Variants in RELN observed in about 807,000 individuals in gnomAD.
RELN encodes reelin.
Under a neutral mutation model 427.6 loss-of-function variants are expected in RELN, and 108 were observed. The ratio of observed to expected loss-of-function variants is 0.25; its 90% confidence interval spans 0.22 to 0.30. The LOEUF (loss-of-function observed/expected upper bound fraction) is 0.30, where lower values mean the gene tolerates loss of function less well. Among genes scored for constraint, RELN ranks in the 10% least tolerant of loss-of-function variants. The pLI is 1.00. For synonymous variants in RELN, 1,524 were observed against 1,513.4 expected, an observed-to-expected ratio of 1.01 and a Z score of -0.16; for missense variants, 3,715 against 4,302.8, an observed-to-expected ratio of 0.86 and a Z score of 3.82.
intron 1 of RELN, among the ~76,000 whole-genome samples, chr7:103,936,468 G>A (rs1795987350): frequency 6.6e-6 from 1 of 151,980 alleles, no homozygotes; most frequent in Admixed American, 6.6e-5. Flanking sequence ...TTTTCAAAAG[G>A]TAAATTTGAT....
intron 2 of RELN, among the ~76,000 whole-genome samples, chr7:103,891,558 C>A (rs965906673): frequency 6.6e-6 from 1 of 152,092 alleles, no homozygotes; most frequent in African/African-American, 2.4e-5. Context: ...TGGCGAATTT[C>A]TGCTAGTTCC....
intron 1 of RELN, among the ~76,000 whole-genome samples, chr7:103,959,864 T>C (rs760893108): frequency 6.6e-6 from 1 of 152,044 alleles, no homozygotes; most frequent in Admixed American, 6.6e-5. Flanking sequence ...CCTCCCAAAG[T>C]GTTGAGAATA....
chr7:103,773,320 C>CT (rs59961333), intron 4 of RELN, among the ~76,000 whole-genome samples: 1 of 52,216 alleles, frequency 1.9e-5, no homozygotes, highest in African/African-American at 9.9e-5. Flanking sequence ...TCGCTCCCTC[C>CT]GTCTCTCTCT....
At chr7:103,557,395 G>A (rs1163935197) in intron 37 of RELN, among the ~76,000 whole-genome samples, 2 of 152,128 alleles carry the variant, frequency 1.3e-5, no homozygotes, top group Non-Finnish European at 2.9e-5. Context: ...TTCTCTCTCA[G>A]ATATGCACAG....
At chr7:103,903,109 A>C (rs1204931637) in intron 2 of RELN, among the ~76,000 whole-genome samples, 3 of 152,062 alleles carry the variant, frequency 2.0e-5, no homozygotes, top group African/African-American at 7.2e-5. Flanking sequence ...ACCACACTAC[A>C]AATAAAATGA....
chr7:103,523,254 G>A, intron 47 of RELN, 137 bp downstream of exon 47: 1 of 948,344 alleles, frequency 1.1e-6, no homozygotes, highest in Non-Finnish European at 1.7e-6. Flanking sequence ...TTCACAGTTA[G>A]CTCAAGATCA....
intron 11 of RELN, among the ~76,000 whole-genome samples, chr7:103,672,400 A>G (rs1402072392): frequency 6.6e-6 from 1 of 152,216 alleles, no homozygotes; most frequent in Non-Finnish European, 1.5e-5. Flanking sequence ...CAGGACTTCT[A>G]TGAAGGAGCT....
At chr7:103,666,487 C>T (rs1833270770) in intron 11 of RELN, among the ~76,000 whole-genome samples, 1 of 152,126 alleles carries the variant, frequency 6.6e-6, no homozygotes, top group African/African-American at 2.4e-5. Context: ...TCATATCTCT[C>T]TTATCTCAAT....
chr7:103,902,731 T>TG (rs745505680), intron 2 of RELN, among the ~76,000 whole-genome samples: 33 of 152,194 alleles, frequency 2.2e-4, no homozygotes, highest in Non-Finnish European at 1.9e-4. Context: ...AACTCAGCAT[T>TG]GGAGGGTTGA....
chr7:103,481,485 G>A (rs1828235523), intron 63 of RELN, among the ~76,000 whole-genome samples: 1 of 152,118 alleles, frequency 6.6e-6, no homozygotes, highest in African/African-American at 2.4e-5. Context: ...TTATCTACCA[G>A]TTTATGAGAA....
intron 6 of RELN, among the ~76,000 whole-genome samples, chr7:103,745,894 T>C (rs1455094621): frequency 6.6e-6 from 1 of 152,216 alleles, no homozygotes; most frequent in Admixed American, 6.5e-5. Context: ...AATGACTTTC[T>C]TCACAGAACT....
chr7:103,968,056 ATATATATTTCTCAAAG>A lies in RELN; in HGVS notation c.226+21059_226+21074del, dbSNP rs1563116521. Among the ~76,000 whole-genome samples, 1 of 149,320 alleles carries A rather than the reference ATATATATTTCTCAAAG, an allele frequency of 6.7e-6. No individual in the cohort carries two copies. The highest frequency in any genetic ancestry group is 2.4e-5 in the African/African-American group (1 of 41,014). On this transcript the variant is annotated intron_variant, in intron 1 of 64. Transcript: ENST00000428762. This position sits in a 1 kb window ranked among gnomAD's most constrained non-coding sequence, Gnocchi z 4.3. Reference sequence around the variant, plus strand: ...TGTATATATATTTATATATATGAATATATATATTTCTCAAAGTATATATTTCTCAAACTTGATGGCA... The same window carrying A: ...TGTATATATATTTATATATATGAATATATATATTTCTCAAACTTGATGGCA...
intron 1 of RELN, among the ~76,000 whole-genome samples, chr7:103,924,997 C>T (rs1227388789): frequency 1.0e-4 from 3 of 29,686 alleles, no homozygotes; most frequent in African/African-American, 2.0e-4. Context: ...CACATACACA[C>T]ACACACACAC....
chr7:103,860,574 T>C (rs1164999359), intron 2 of RELN, among the ~76,000 whole-genome samples: 1 of 152,080 alleles, frequency 6.6e-6, no homozygotes. Context: ...TGCAACTCTG[T>C]GAAATAGCAG....
chr7:103,704,087 T>G (rs965867633), intron 8 of RELN, among the ~76,000 whole-genome samples: 1 of 152,202 alleles, frequency 6.6e-6, no homozygotes, highest in Admixed American at 6.5e-5. Flanking sequence ...GAAGAAATGA[T>G]GTTTTTTGTG....
intron 2 of RELN, among the ~76,000 whole-genome samples, chr7:103,898,421 A>G (rs1416932312): frequency 6.6e-6 from 1 of 152,048 alleles, no homozygotes; most frequent in Non-Finnish European, 1.5e-5. Context: ...AATGATATAC[A>G]AACTGTTTGT....
rs565068179 is a variant in RELN at position 103,738,259 on chromosome 7, T to C, written c.657-10052A>G. On this transcript the variant is annotated intron_variant, in intron 6 of 64. Transcript: ENST00000428762. ...TAACTTAAGTAAAACAAAGATCCTC[T>C]CTGACTTTGTAATTGCTTAAAGGGT... 9.0e-4 allele frequency among the ~76,000 whole-genome samples: 137 copies of C among 151,998 alleles called. 2 individuals carry two copies. The South Asian group carries it at 0.027, about 30-fold the overall frequency.
intron 8 of RELN, among the ~76,000 whole-genome samples, chr7:103,721,898 G>T (rs1288035874): frequency 2.0e-5 from 3 of 152,086 alleles, no homozygotes; most frequent in African/African-American, 7.2e-5. Flanking sequence ...AAAAAAATTT[G>T]TTTTTGTAGC....
intron 6 of RELN, among the ~76,000 whole-genome samples, chr7:103,746,107 A>C (rs1009283381): frequency 3.3e-5 from 5 of 152,148 alleles, no homozygotes; most frequent in African/African-American, 1.2e-4. Context: ...CTCAGAAATA[A>C]TGCTGCATAT....
Sources: gnomAD v4.1 joint callset for allele counts (sites outside exome capture counted in the v4.1 genomes callset) on GRCh38, gnomAD v4.1.1 for gene constraint, Gnocchi (gnomAD v3.1) non-coding constraint, MANE v1.5 for transcripts, NCBI Gene and HGNC (gene_info 2026-07-23, HGNC 2026-07-21) for gene names.